The following CDH12 variants were observed in gnomAD, a reference collection of about 807,000 sequenced individuals.
CDH12 encodes the protein cadherin-12.
CDH12 carries 41 observed loss-of-function variants against 74.1 expected under a neutral mutation model. The observed-to-expected ratio is 0.55, with a 90% CI of 0.43 to 0.72. The LOEUF (loss-of-function observed/expected upper bound fraction) is 0.72, where lower values mean the gene tolerates loss of function less well. Among genes scored for constraint, CDH12 ranks in the 30% least tolerant of loss-of-function variants. CDH12 has a pLI of 0.00. For synonymous variants in CDH12, 399 were observed against 355.0 expected, an observed-to-expected ratio of 1.12 and a Z score of -1.39; for missense variants, 945 against 977.2, an observed-to-expected ratio of 0.97 and a Z score of 0.44.
chr5:22,360,799 C>A (rs1451960002), intron 3 of CDH12, among the ~76,000 whole-genome samples: 1 of 152,082 alleles, frequency 6.6e-6, no homozygotes, highest in Non-Finnish European at 1.5e-5. Flanking sequence ...TAAACGTAAT[C>A]CAGCAAATAA....
At chr5:22,624,459 C>G (rs1009571712) in intron 1 of CDH12, among the ~76,000 whole-genome samples, 1 of 151,952 alleles carries the variant, frequency 6.6e-6, no homozygotes, top group African/African-American at 2.4e-5. Context: ...AACAAATTTA[C>G]AAGAAAAAAA....
chr5:22,151,082 A>G (rs1456421217), intron 4 of CDH12, among the ~76,000 whole-genome samples: 1 of 152,170 alleles, frequency 6.6e-6, no homozygotes, highest in Non-Finnish European at 1.5e-5. Flanking sequence ...AGTGCCTTAC[A>G]TTAATTAATC....
chr5:21,840,802 A>T (rs1217704348), intron 8 of CDH12, among the ~76,000 whole-genome samples: 4 of 152,196 alleles, frequency 2.6e-5, no homozygotes, highest in Non-Finnish European at 5.9e-5. Flanking sequence ...CTGGCTAGCC[A>T]TATATAAAAA....
At chr5:21,979,121 C>T (rs1757197147) in intron 5 of CDH12, among the ~76,000 whole-genome samples, 1 of 152,124 alleles carries the variant, frequency 6.6e-6, no homozygotes, top group African/African-American at 2.4e-5. Context: ...GCTAATAATT[C>T]CACAAAAATA....
intron 1 of CDH12, among the ~76,000 whole-genome samples, chr5:22,601,371 C>G (rs1167896650): frequency 6.7e-6 from 1 of 148,196 alleles, no homozygotes; most frequent in Non-Finnish European, 1.5e-5. Context: ...TGCATGGACA[C>G]ATAGAAGGAA....
At chr5:22,439,381 T>C (rs1438417573) in intron 2 of CDH12, among the ~76,000 whole-genome samples, 2 of 152,036 alleles carry the variant, frequency 1.3e-5, no homozygotes, top group African/African-American at 2.4e-5. Flanking sequence ...AAATAAACTT[T>C]AGGGAATGAT....
intron 2 of CDH12, among the ~76,000 whole-genome samples, chr5:22,497,929 C>T (rs1010106379): frequency 6.6e-6 from 1 of 152,048 alleles, no homozygotes; most frequent in African/African-American, 2.4e-5. Context: ...AGGGATGAGC[C>T]AGCGTGAGCC....
chr5:22,170,442 G>A (rs1423358980), intron 4 of CDH12, among the ~76,000 whole-genome samples: 2 of 151,658 alleles, frequency 1.3e-5, no homozygotes, highest in Non-Finnish European at 3.0e-5. Flanking sequence ...ATCCTAAATT[G>A]TAGATATAAT....
chr5:22,438,800 C>G (rs967810692), intron 2 of CDH12, among the ~76,000 whole-genome samples: 1 of 151,470 alleles, frequency 6.6e-6, no homozygotes, highest in Non-Finnish European at 1.5e-5. Context: ...TACTATAATA[C>G]CTACTTTGGT....
chr5:22,667,326 G>A (rs753292866), intron 1 of CDH12, among the ~76,000 whole-genome samples: 15 of 152,104 alleles, frequency 9.9e-5, no homozygotes, highest in Non-Finnish European at 1.8e-4. Flanking sequence ...TCTCAGCAGA[G>A]ATGGTAGCTC....
At chr5:21,989,646 G>A (rs1353941848) in intron 5 of CDH12, among the ~76,000 whole-genome samples, 1 of 152,076 alleles carries the variant, frequency 6.6e-6, no homozygotes. Flanking sequence ...AACATATTAT[G>A]TTTAACATAA....
chr5:22,571,841 C>A (rs939490998), intron 1 of CDH12, among the ~76,000 whole-genome samples: 1 of 151,996 alleles, frequency 6.6e-6, no homozygotes, highest in Non-Finnish European at 1.5e-5. Flanking sequence ...TTTGCCATAC[C>A]GTGGGCATGG....
chr5:21,997,639 A>G (rs1257671628), intron 5 of CDH12, among the ~76,000 whole-genome samples: 1 of 152,160 alleles, frequency 6.6e-6, no homozygotes, highest in Non-Finnish European at 1.5e-5. Context: ...TAGAGATGCC[A>G]TGAATATAAC....
intron 9 of CDH12, among the ~76,000 whole-genome samples, chr5:21,815,258 G>A (rs1354021122): frequency 3.3e-5 from 5 of 152,086 alleles, no homozygotes; most frequent in African/African-American, 4.8e-5. Context: ...ATTACAATGA[G>A]TAAATGAGTA....
At chr5:22,667,008 G>A (rs767468222) in intron 1 of CDH12, among the ~76,000 whole-genome samples, 2 of 152,086 alleles carry the variant, frequency 1.3e-5, no homozygotes, top group Non-Finnish European at 2.9e-5. Flanking sequence ...CTGTTCAGTG[G>A]CTTTGCTATG....
intron 4 of CDH12, among the ~76,000 whole-genome samples, chr5:22,190,118 T>C (rs1278239842): frequency 1.3e-5 from 2 of 152,164 alleles, no homozygotes; most frequent in African/African-American, 2.4e-5. Context: ...TTAATCCTCA[T>C]ACTGAGTCAT....
intron 3 of CDH12, among the ~76,000 whole-genome samples, chr5:22,334,369 A>G (rs986523500): frequency 6.6e-6 from 1 of 152,142 alleles, no homozygotes; most frequent in East Asian, 1.9e-4. Context: ...AATAGAAAAA[A>G]AAAATGAAAT....
At chr5:22,007,416 C>T (rs1444087821) in intron 5 of CDH12, among the ~76,000 whole-genome samples, 2 of 151,560 alleles carry the variant, frequency 1.3e-5, no homozygotes, top group Non-Finnish European at 2.9e-5. Context: ...ATACATAGTC[C>T]AAAACATACT....
intron 6 of CDH12, among the ~76,000 whole-genome samples, chr5:21,958,920 T>TGATAG (rs1273240638): frequency 1.3e-5 from 2 of 152,238 alleles, no homozygotes; most frequent in African/African-American, 2.4e-5. Flanking sequence ...TTCCTATCCA[T>TGATAG]GAGCATGATA....
Sources: gnomAD v4.1 joint callset for allele counts (sites outside exome capture counted in the v4.1 genomes callset) on GRCh38, gnomAD v4.1.1 for gene constraint, MANE v1.5 for transcripts, NCBI Gene and HGNC (gene_info 2026-07-23, HGNC 2026-07-21) for gene names.